ZNF850: variants seen among roughly 807,000 people sequenced by gnomAD.
The protein encoded by ZNF850 is zinc finger protein 850.
ZNF850 carries 2 observed loss-of-function variants against 11.9 expected under a neutral mutation model. The observed-to-expected ratio is 0.17, with a 90% CI of 0.07 to 0.53. The LOEUF (loss-of-function observed/expected upper bound fraction) is 0.53. Among genes scored for constraint, ZNF850 ranks in the 20% least tolerant of loss-of-function variants. The pLI is 0.94. For missense variants in ZNF850, 1,014 were observed against 1,316.4 expected (o/e 0.77, Z 3.55); for synonymous variants, 381 against 443.0 (o/e 0.86, Z 1.76).
Position 36,749,602 on chromosome 19 carries a change from TACA to T in ZNF850, c.1435_1437del (p.Cys479del), listed in dbSNP as rs1311423970. 1.9e-6 allele frequency: 3 copies of T among 1,549,954 alleles called. No individual in the cohort carries two copies. Among genetic ancestry groups the T allele is most frequent in the Middle Eastern group, 1.7e-4 (1 of 6,000 alleles). The stretch of plus-strand genomic sequence containing the variant: ...AAAGTAAAAGATTTTCCACATTCCT[TACA>T]ACAATAGGGTTTCTCACCAGTGTGA... On this transcript the variant is annotated inframe_deletion, in exon 5 of 5. Transcript: ENST00000591344.
At chr19:36,754,656 A>G (rs1224201461) in intron 4 of ZNF850, among the ~76,000 whole-genome samples, 1 of 152,014 alleles carries the variant, frequency 6.6e-6, no homozygotes, top group Admixed American at 6.6e-5. Context: ...TCCGAGTTCA[A>G]GCGATTCTCC....
Position 36,747,736 on chromosome 19 carries a change from C to T in ZNF850, c.*31G>A, listed in dbSNP as rs1228296121. 1 of 1,458,936 alleles carries T rather than the reference C, an allele frequency of 6.9e-7. No individual in the cohort carries two copies. The highest frequency in any genetic ancestry group is 2.5e-5 in the Admixed American group (1 of 39,378). The allele number at this position is 1,458,936 out of a possible 1,614,324, so 90.4% of individuals were successfully genotyped here. A position where few individuals can be genotyped will look rare whatever the true frequency, so the allele number is the denominator to read the frequency against. On this transcript the variant is annotated 3_prime_UTR_variant, in exon 5 of 5. Coordinates refer to ENST00000591344, the MANE Select transcript of ZNF850 (RefSeq NM_001193552.2). ...TATGGAATCTGCTGATGATCCATGA[C>T]AAATGGCATGAGAACAGTTTCCTAC...
Position 36,748,399 on chromosome 19 carries a change from G to A in ZNF850, c.2641C>T (p.Arg881Cys), listed in dbSNP as rs749294560. Reference protein sequence around the residue: ...CKECGKSFAFRSAIIQHRRIH... With the variant: ...CKECGKSFAFCSAIIQHRRIH... ...CGCCGATGTTGGATTATTGCTGAGC[G>A]AAAAGCAAAAGATTTTCCACATTCC... The change falls in exon 5 of 5, where the codon CGC (arginine) becomes TGC (cysteine). Residue 881 changes from arginine (R) to cysteine (C), a missense_variant. Physicochemically the swap from Arg to Cys is radical, Grantham distance 180 (BLOSUM62 -3). Around this residue, in one of 2 missense-constraint regions of ZNF850, gnomAD observed 179 missense variants for 294.4 expected, o/e 0.61. Transcript: ENST00000591344. 1.9e-5 allele frequency: 29 copies of A among 1,547,220 alleles called. No individual in the cohort carries two copies. Among genetic ancestry groups the A allele is most frequent in the South Asian group, 2.4e-5 (2 of 82,034 alleles).
chr19:36,759,151 A>G (rs1317316008), intron 4 of ZNF850, among the ~76,000 whole-genome samples: 2 of 152,178 alleles, frequency 1.3e-5, no homozygotes, highest in Non-Finnish European at 2.9e-5. Context: ...CCATTTAAAT[A>G]AAGATACATC....
At position 36,771,220 on chromosome 19, in the gene ZNF850, C is replaced by T. The variant is rs2040580192; in HGVS notation, c.-70+1505G>A. Reference sequence around the variant, plus strand: ...AGCAAAAGAAGAAAGCTCTCCCCAGCGGAGGGACCCAAAAGAGGGTTGCCA... The same window carrying T: ...AGCAAAAGAAGAAAGCTCTCCCCAGTGGAGGGACCCAAAAGAGGGTTGCCA... On this transcript the variant is annotated intron_variant, in intron 1 of 4. Coordinates refer to ENST00000591344, the MANE Select transcript of ZNF850 (RefSeq NM_001193552.2). Among the ~76,000 whole-genome samples the T allele has an allele frequency of 2.0e-5, 3 of 152,128 alleles. No homozygotes were observed. In the South Asian group the frequency reaches 6.2e-4, roughly 32 times the overall value.
At chr19:36,753,517 C>T (rs1289048523) in intron 4 of ZNF850, among the ~76,000 whole-genome samples, 1 of 150,040 alleles carries the variant, frequency 6.7e-6, no homozygotes, top group African/African-American at 2.5e-5. Flanking sequence ...CACCTGAGCC[C>T]GGAAAGTCAA....
rs1019460020 is a variant in ZNF850 at position 36,744,284 on chromosome 19, TCTA to T, written c.*3480_*3482del. On this transcript the variant is annotated 3_prime_UTR_variant, in exon 5 of 5. Coordinates refer to ENST00000591344, the MANE Select transcript of ZNF850 (RefSeq NM_001193552.2). ...TGCTTTTCTCTGCTCTTTAAAAAAT[TCTA>T]CTTTTTTCATAAAAAGAGTTAATTT... The T allele has an allele frequency of 1.2e-4, 19 of 152,166 alleles. No individual in the cohort carries two copies. The highest frequency in any genetic ancestry group is 4.6e-4 in the African/African-American group (19 of 41,436). 9.4% of individuals were successfully genotyped at this position (152,166 alleles called of 1,614,324 possible). A position where few individuals can be genotyped will look rare whatever the true frequency, so the allele number is the denominator to read the frequency against.
Position 36,756,684 on chromosome 19 carries a change from G to A in ZNF850, c.235+4959C>T, listed in dbSNP as rs2040488568. On this transcript the variant is annotated intron_variant, in intron 4 of 4. Transcript: ENST00000591344. ...GCTGGAGTACAATGGCATGATCTTG[G>A]CTCACTGCAACCTCCGCCTCCTGGG... Among the ~76,000 whole-genome samples the A allele has an allele frequency of 2.0e-5, 3 of 152,134 alleles. No homozygotes were observed. The South Asian group carries it at 6.2e-4, about 32-fold the overall frequency.
chr19:36,747,575 G>A lies in ZNF850; in HGVS notation c.*192C>T, dbSNP rs977392451. On this transcript the variant is annotated 3_prime_UTR_variant, in exon 5 of 5. Transcript: ENST00000591344. ...GGCATGAACCCAGGAGGCAGAGCTT[G>A]CAGTGAGCCGAGATAGCGCCACTGC... 2.8e-5 allele frequency: 14 copies of A among 492,832 alleles called. No individual in the cohort carries two copies. Among genetic ancestry groups the A allele is most frequent in the Non-Finnish European group, 4.8e-5 (14 of 290,406 alleles). The allele number at this position is 492,832 out of a possible 1,614,324, so 30.5% of individuals were successfully genotyped here.
intron 1 of ZNF850, among the ~76,000 whole-genome samples, chr19:36,770,728 A>AAAAAAAAAAAAAAAAAAAAC (rs1568321485): frequency 7.8e-6 from 1 of 128,984 alleles, no homozygotes; most frequent in Non-Finnish European, 1.6e-5. Flanking sequence ...AAAAAAAAAA[A>AAAAAAAAAAAAAAAAAAAAC]AAAAAAAAAA....
Position 36,744,745 on chromosome 19 carries a change from A to G in ZNF850, c.*3022T>C, listed in dbSNP as rs1196083141. 3 of 152,176 alleles carry G rather than the reference A, an allele frequency of 2.0e-5. No individual in the cohort carries two copies. The highest frequency in any genetic ancestry group is 7.2e-5 in the African/African-American group (3 of 41,416). 9.4% of individuals were successfully genotyped at this position (152,176 alleles called of 1,614,324 possible). A position where few individuals can be genotyped will look rare whatever the true frequency, so the allele number is the denominator to read the frequency against. On this transcript the variant is annotated 3_prime_UTR_variant, in exon 5 of 5. Transcript: ENST00000591344. ...ACAAAAACATGGAGAATAATAAATGACAGAGTAAGAATTTGAGAACAAACA... is the reference window on the plus strand; with the variant it reads ...ACAAAAACATGGAGAATAATAAATGGCAGAGTAAGAATTTGAGAACAAACA...
intron 1 of ZNF850, among the ~76,000 whole-genome samples, chr19:36,771,199 A>G (rs1245761748): frequency 6.6e-6 from 1 of 152,198 alleles, no homozygotes; most frequent in Non-Finnish European, 1.5e-5. Flanking sequence ...TTAATAAGCA[A>G]AAGAAGAAAG....
chr19:36,750,486 G>T lies in ZNF850; in HGVS notation c.554C>A (p.Thr185Lys). ...ACCAGTATGGGTTTCTTGCTGTTGT[G>T]TAAGTTCTGAGCCATACTTAAAAGC... ...CMAFKYGSELTQQQETHTGEK... is the reference protein window; with the variant it reads ...CMAFKYGSELKQQQETHTGEK... Residue 185 changes from threonine (T) to lysine (K), a missense_variant, in exon 5 of 5, where the codon ACA (threonine) becomes AAA (lysine). Thr to Lys is a moderately conservative substitution (Grantham distance 78, BLOSUM62 -1). This residue lies in a region of ZNF850 where 835 missense variants were observed against 1,022.0 expected (regional missense o/e 0.82). Coordinates refer to ENST00000591344, the MANE Select transcript of ZNF850 (RefSeq NM_001193552.2). The T allele has an allele frequency of 6.5e-7, 1 of 1,536,246 alleles. No homozygotes were observed. The highest frequency in any genetic ancestry group is 8.7e-7 in the Non-Finnish European group (1 of 1,146,912).
At chr19:36,767,294 T>C (rs896483244) in intron 1 of ZNF850, among the ~76,000 whole-genome samples, 1 of 148,682 alleles carries the variant, frequency 6.7e-6, no homozygotes, top group Non-Finnish European at 1.5e-5. Context: ...CAGTGGCTCA[T>C]GCCTGCAATC....
chr19:36,766,579 T>C (rs1016970166), intron 1 of ZNF850, among the ~76,000 whole-genome samples: 3 of 152,232 alleles, frequency 2.0e-5, no homozygotes, highest in Non-Finnish European at 2.9e-5. Flanking sequence ...TCTGTTTCCT[T>C]CTACTTATGA....
At chr19:36,763,199 T>C (rs777363890) in intron 1 of ZNF850, among the ~76,000 whole-genome samples, 15 of 151,500 alleles carry the variant, frequency 9.9e-5, no homozygotes, top group Non-Finnish European at 1.8e-4. Flanking sequence ...CCTTTCCTCA[T>C]TTCTTAAAGG....
Position 36,747,658 on chromosome 19 carries a change from A to T in ZNF850, c.*109T>A. The stretch of plus-strand genomic sequence containing the variant: ...CTCAAAAAAAAAAAAAAAAGTCGTA[A>T]TTCTGGAAAAAGTGAATATGAAGTA... On this transcript the variant is annotated 3_prime_UTR_variant, in exon 5 of 5. Coordinates refer to ENST00000591344, the MANE Select transcript of ZNF850 (RefSeq NM_001193552.2). 1 of 1,209,022 alleles carries T rather than the reference A, an allele frequency of 8.3e-7. No individual in the cohort carries two copies. The highest frequency in any genetic ancestry group is 1.1e-6 in the Non-Finnish European group (1 of 909,838). 74.9% of individuals were successfully genotyped at this position (1,209,022 alleles called of 1,614,324 possible).
chr19:36,769,798 G>A (rs1443192276), intron 1 of ZNF850, among the ~76,000 whole-genome samples: 1 of 152,052 alleles, frequency 6.6e-6, no homozygotes, highest in Non-Finnish European at 1.5e-5. Context: ...AGCAAGCAAG[G>A]AATCAGTTCT....
At chr19:36,752,102 A>G (rs2040457496) in intron 4 of ZNF850, among the ~76,000 whole-genome samples, 1 of 151,510 alleles carries the variant, frequency 6.6e-6, no homozygotes, top group Non-Finnish European at 1.5e-5. Context: ...TTAAAATTCA[A>G]TGAATGAATT....
Sources: allele counts gnomAD v4.1 joint callset (sites outside exome capture counted in the v4.1 genomes callset), GRCh38; gene constraint gnomAD v4.1.1; regional missense constraint gnomAD v4.1.1; transcripts MANE v1.5; gene names NCBI Gene and HGNC (gene_info 2026-07-23, HGNC 2026-07-21).